CDH16: variants seen among roughly 807,000 people sequenced by gnomAD.
CDH16 encodes cadherin 16.
CDH16 carries 79 observed loss-of-function variants against 87.6 expected under a neutral mutation model. The ratio of observed to expected loss-of-function variants is 0.90; its 90% CI spans 0.75 to 1.09. CDH16 has a LOEUF of 1.09. Ranked by LOEUF, CDH16 falls within the 50% of genes least tolerant of loss-of-function variation. The pLI, the probability that CDH16 is intolerant of heterozygous loss-of-function variation, is 0.00. For synonymous variants in CDH16, 457 were observed against 439.5 expected (o/e 1.04, Z -0.50); for missense variants, 1,124 against 1,071.7 (o/e 1.05, Z -0.68).
Position 66,913,548 on chromosome 16 carries a change from C to T in CDH16, c.846G>A (p.Val282=). 6.2e-7 allele frequency: 1 copy of T among 1,614,184 alleles called. No individual in the cohort carries two copies. Among genetic ancestry groups the T allele is most frequent in the Non-Finnish European group, 8.5e-7 (1 of 1,180,006 alleles). Residue 282 remains valine, a synonymous_variant, in exon 8 of 18, where the codon GTG becomes GTA. Transcript: ENST00000299752. ...LESHPPGPFE[V]NAEGNLYVTR... ...TCACGTAGAGGTTTCCCTCTGCATT[C>T]ACTTCAAAGGGTCCCGGGGGATGGC...
At chr16:66,913,003 T>A in intron 9 of CDH16, 112 bp from the exon 10 acceptor site, 4 of 1,278,044 alleles carry the variant, frequency 3.1e-6, no homozygotes, top group Non-Finnish European at 4.4e-6. Flanking sequence ...TGTGTGTGTG[T>A]GTGTGTGTGT....
Position 66,909,481 on chromosome 16 carries a change from C to T in CDH16, c.2276-98G>A. 1.3e-6 allele frequency: 1 copy of T among 777,882 alleles called. No homozygotes were observed. The highest frequency in any genetic ancestry group is 3.1e-4 in the Middle Eastern group (1 of 3,198). 48.2% of individuals were successfully genotyped at this position (777,882 alleles called of 1,614,324 possible). On this transcript the variant is annotated intron_variant, in intron 16 of 17. Transcript: ENST00000299752. The surrounding 1 kb of genome is among the most constrained non-coding windows in gnomAD (Gnocchi z 4.1). ...CCACCTGGCTGATATGTGTGTGTTTCTGCACATGTGTGTATTCACATGTGT... is the reference window on the plus strand; with the variant it reads ...CCACCTGGCTGATATGTGTGTGTTTTTGCACATGTGTGTATTCACATGTGT...
intron 14 of CDH16, 161 bp downstream of exon 14, chr16:66,911,021 C>T: frequency 1.6e-6 from 1 of 634,130 alleles, no homozygotes; most frequent in African/African-American, 1.9e-5. Flanking sequence ...AGGAGTAGAT[C>T]CATTCTCAGA....
chr16:66,915,207 C>A lies in CDH16; in HGVS notation c.583+13G>T, dbSNP rs373758423. On this transcript the variant is annotated intron_variant, in intron 6 of 17. Transcript: ENST00000299752. ...CTGACCCTCCCTCCCCAGCACACCC[C>A]GCTCGGGCTTACCCTTGGGGCTGAG... The A allele has an allele frequency of 1.9e-6, 3 of 1,598,356 alleles. No individual in the cohort carries two copies. Among genetic ancestry groups the A allele is most frequent in the Admixed American group, 1.7e-5 (1 of 57,898 alleles).
chr16:66,912,611 C>G (rs1355231199), intron 10 of CDH16, 31 bp from the exon 11 acceptor site: 1 of 1,614,100 alleles, frequency 6.2e-7, no homozygotes, highest in Non-Finnish European at 8.5e-7. Context: ...TTGGTGAGGT[C>G]AGGGTAGGAA....
rs766367878 is a variant in CDH16 at position 66,912,261 on chromosome 16, A to G, written c.1529T>C (p.Val510Ala). 1.2e-6 allele frequency: 2 copies of G among 1,611,634 alleles called. No individual in the cohort carries two copies. The highest frequency in any genetic ancestry group is 2.2e-5 in the South Asian group (2 of 90,666). Residue 510 changes from valine to alanine, a missense_variant, in exon 12 of 18, where the codon GTT becomes GCT. Transcript: ENST00000299752. Reference protein sequence around the residue: ...GLDWEPDSGHVRLRLCKNLSY... With the variant: ...GLDWEPDSGHARLRLCKNLSY... ...CCTCACCTTGCAGAGTCTGAGTCTAACATGCCCAGAGTCTGGCTCCCAATC... is the reference window on the plus strand; with the variant it reads ...CCTCACCTTGCAGAGTCTGAGTCTAGCATGCCCAGAGTCTGGCTCCCAATC...
At position 66,913,624 on chromosome 16, in the gene CDH16, C is replaced by T. The variant is rs761583262; in HGVS notation, c.781-11G>A. 1 of 1,613,378 alleles carries T rather than the reference C, an allele frequency of 6.2e-7. No homozygotes were observed. The highest frequency in any genetic ancestry group is 1.7e-5 in the Admixed American group (1 of 59,932). On this transcript the variant is annotated splice_polypyrimidine_tract_variant and intron_variant, in intron 7 of 17. Coordinates refer to ENST00000299752, the MANE Select transcript of CDH16 (RefSeq NM_004062.4). ...CCCACTCCAGTGTACCTGGGGGGGA[C>T]ACCCCGGGCCAAGGGGCAGGAACAA...
In CDH16 at chr16:66,916,023, C is replaced by G. The variant is rs765949121; in HGVS notation, c.424+42G>C. The G allele has an allele frequency of 5.0e-6, 8 of 1,611,622 alleles. No homozygotes were observed. The highest frequency in any genetic ancestry group is 1.7e-5 in the Admixed American group (1 of 59,926). ...TTCGCTCTCTGCTGTTCCATCAAGGCCCACCTGACCTTACTGTAAATTGGC... is the reference window on the plus strand; with the variant it reads ...TTCGCTCTCTGCTGTTCCATCAAGGGCCACCTGACCTTACTGTAAATTGGC... On this transcript the variant is annotated intron_variant, in intron 5 of 17. Transcript: ENST00000299752. The surrounding 1 kb of genome is among the most constrained non-coding windows in gnomAD (Gnocchi z 4.1).
rs1267789809 is a variant in CDH16 at position 66,908,692 on chromosome 16, C to T, written c.2393-203G>A. Among the ~76,000 whole-genome samples the T allele has an allele frequency of 4.6e-5, 7 of 152,166 alleles. No homozygotes were observed. The East Asian group carries it at 1.3e-3, about 29-fold the overall frequency. ...CGGCTTGGCCCCTACCCCTCTGAGG[C>T]TGACCCAGTATACTCAGCCTCCAAA... On this transcript the variant is annotated intron_variant, in intron 17 of 17. Transcript: ENST00000299752.
At position 66,912,680 on chromosome 16, in the gene CDH16, C is replaced by T. The variant is rs1223448127; in HGVS notation, c.1266G>A (p.Leu422=). Residue 422 remains leucine, a synonymous_variant, in exon 10 of 18, where the codon CTG becomes CTA. Transcript: ENST00000299752. ...GGCACTTACCACCCTCTGCGCCTGCCAGGTCCATGGCCAGCACCAGAAGCA... is the reference window on the plus strand; with the variant it reads ...GGCACTTACCACCCTCTGCGCCTGCTAGGTCCATGGCCAGCACCAGAAGCA... The part of the protein sequence containing the change: ...NILLLVLAMD[L]AGAEGGFSST... 1 of 1,614,032 alleles carries T rather than the reference C, an allele frequency of 6.2e-7. No homozygotes were observed. The highest frequency in any genetic ancestry group is 8.5e-7 in the Non-Finnish European group (1 of 1,180,018).
chr16:66,915,968 C>T, intron 5 of CDH16, 97 bp downstream of exon 5: 4 of 1,361,542 alleles, frequency 2.9e-6, no homozygotes, highest in South Asian at 2.4e-5. Context: ...AAATGGCTGC[C>T]CTGTCCTATG....
rs1422849746 is a variant in CDH16, at chr16:66,908,406, T to C, written c.2476A>G (p.Lys826Glu). ...GCCTGGGCCATTCAGACAGTCGCCT[T>C]CAGGGGCACGCTGTCTGCTGGTTGA... ...PDQPADSVPL[K>E]ATV Residue 826 changes from lysine to glutamate, a missense_variant, in exon 18 of 18, where the codon AAG becomes GAG. Transcript: ENST00000299752. The C allele has an allele frequency of 6.2e-7, 1 of 1,613,948 alleles. No homozygotes were observed. The highest frequency in any genetic ancestry group is 1.7e-5 in the Admixed American group (1 of 60,030).
In CDH16 at chr16:66,909,532, G is replaced by T. The variant is rs763166271; in HGVS notation, c.2276-149C>A. 6.2e-6 allele frequency: 4 copies of T among 640,128 alleles called. No homozygotes were observed. Among genetic ancestry groups the T allele is most frequent in the African/African-American group, 1.8e-5 (1 of 55,706 alleles). The allele number at this position is 640,128 out of a possible 1,614,324, so 39.7% of individuals were successfully genotyped here. On this transcript the variant is annotated intron_variant, in intron 16 of 17. Coordinates refer to ENST00000299752, the MANE Select transcript of CDH16 (RefSeq NM_004062.4). The surrounding 1 kb of genome is among the most constrained non-coding windows in gnomAD (Gnocchi z 4.1). Reference sequence around the variant, plus strand: ...GTGAAGATATATGCGCTAGCCAGGCGTGGTGGCTCACACCTGTAATCCCAG... The same window carrying T: ...GTGAAGATATATGCGCTAGCCAGGCTTGGTGGCTCACACCTGTAATCCCAG...
In CDH16 at chr16:66,909,993, C is replaced by G. The variant is rs143744973; in HGVS notation, c.2268G>C (p.Leu756=). 1.9e-6 allele frequency: 3 copies of G among 1,602,072 alleles called. No homozygotes were observed. The highest frequency in any genetic ancestry group is 2.6e-6 in the Non-Finnish European group (3 of 1,173,746). The change falls in exon 16 of 18, where the codon CTG becomes CTC. Residue 756 remains leucine, a synonymous_variant. Transcript: ENST00000299752. This position sits in a 1 kb window ranked among gnomAD's most constrained non-coding sequence, Gnocchi z 4.1. Reference sequence around the variant, plus strand: ...ACCCAAGCCCAATCTCACCTCGAACCAGGAGCTGCCACATCTGGGCATTGT... The same window carrying G: ...ACCCAAGCCCAATCTCACCTCGAACGAGGAGCTGCCACATCTGGGCATTGT... ...VSHNAQMWQL[L]VRVIVCRCNV...
chr16:66,913,685 T>C (rs1962543646), intron 7 of CDH16, 72 bp from the exon 8 acceptor site: 1 of 1,571,958 alleles, frequency 6.4e-7, no homozygotes, highest in Non-Finnish European at 8.6e-7. Context: ...TGATTTCTCG[T>C]TGAGGAGCCT....
chr16:66,908,273 G>A lies in CDH16; in HGVS notation c.*119C>T, dbSNP rs1212279173. On this transcript the variant is annotated 3_prime_UTR_variant, in exon 18 of 18. Coordinates refer to ENST00000299752, the MANE Select transcript of CDH16 (RefSeq NM_004062.4). The stretch of plus-strand genomic sequence containing the variant: ...ATGGTGATGGTGCCTCCACCCCAGG[G>A]CAGATGGAGGGGCTTCTACTCTGTC... 3 of 758,676 alleles carry A rather than the reference G, an allele frequency of 4.0e-6. No homozygotes were observed. Among genetic ancestry groups the A allele is most frequent in the Non-Finnish European group, 6.7e-6 (3 of 448,862 alleles). 47.0% of individuals were successfully genotyped at this position (758,676 alleles called of 1,614,324 possible).
rs960181491 is a variant in CDH16 at position 66,911,415 on chromosome 16, C to G, written c.1791-100G>C. The G allele has an allele frequency of 1.6e-5, 20 of 1,244,624 alleles. No individual in the cohort carries two copies. In the East Asian group the frequency reaches 4.7e-4, roughly 29 times the overall value. 77.1% of individuals were successfully genotyped at this position (1,244,624 alleles called of 1,614,324 possible). A position where few individuals can be genotyped will look rare whatever the true frequency, so the allele number is the denominator to read the frequency against. On this transcript the variant is annotated intron_variant, in intron 13 of 17. Transcript: ENST00000299752. ...GTGACTTGCTTAAATTCCACACCCT[C>G]TCTGTGACTCAGGGGCCACAGCAAA...
Position 66,910,360 on chromosome 16 carries a change from G to A in CDH16, c.2067C>T (p.Pro689=). 6.2e-7 allele frequency: 1 copy of A among 1,613,868 alleles called. No homozygotes were observed. The highest frequency in any genetic ancestry group is 8.5e-7 in the Non-Finnish European group (1 of 1,179,874). ...RQDHGLIVSG[P]SKDPDLASGH... is the part of the protein sequence containing the mutation. ...CACTGGCCAGATCGGGGTCCTTGCTGGGTCCACTCACGATCAAGCCATGGT... is the reference window on the plus strand; with the variant it reads ...CACTGGCCAGATCGGGGTCCTTGCTAGGTCCACTCACGATCAAGCCATGGT... Residue 689 remains proline (P), a synonymous_variant, in exon 15 of 18, where the codon CCC becomes CCT. Transcript: ENST00000299752.
chr16:66,912,817 G>A lies in CDH16; in HGVS notation c.1129C>T (p.Leu377Phe). The change falls in exon 10 of 18, where the codon CTC becomes TTC. Residue 377 changes from leucine (L) to phenylalanine (F), a missense_variant. Physicochemically the swap from Leu to Phe is conservative, Grantham distance 22 (BLOSUM62 0). Transcript: ENST00000299752. Reference sequence around the variant, plus strand: ...CCATCCTCAGGCTCAGGGCTCAGGAGCTGATACACAACGTGGGAATTGGGG... The same window carrying A: ...CCATCCTCAGGCTCAGGGCTCAGGAACTGATACACAACGTGGGAATTGGGG... ...GSPNSHVVYQ[L>F]LSPEPEDGVE... 1 of 1,613,692 alleles carries A rather than the reference G, an allele frequency of 6.2e-7. No homozygotes were observed. The highest frequency in any genetic ancestry group is 1.1e-5 in the South Asian group (1 of 91,076).
Sources: allele counts gnomAD v4.1 joint callset (sites outside exome capture counted in the v4.1 genomes callset), GRCh38; gene constraint gnomAD v4.1.1; non-coding constraint Gnocchi (gnomAD v3.1); transcripts MANE v1.5; gene names NCBI Gene and HGNC (gene_info 2026-07-23, HGNC 2026-07-21).